Variants in TNFSF4 observed in about 807,000 individuals in gnomAD.
TNFSF4 encodes tumor necrosis factor ligand superfamily member 4.
A neutral mutation model predicts 7.3 loss-of-function variants in TNFSF4; 4 were observed. The observed-to-expected ratio is 0.55, with a 90% CI of 0.27 to 1.25. The LOEUF is 1.25. Ranked by LOEUF, TNFSF4 falls within the 50% of genes most tolerant of loss-of-function variation. The pLI is 0.12. For synonymous variants in TNFSF4, 76 were observed against 83.7 expected, an observed-to-expected ratio of 0.91 and a Z score of 0.50; for missense variants, 181 against 208.8, an observed-to-expected ratio of 0.87 and a Z score of 0.82.
the TNFSF4 span, among the ~76,000 whole-genome samples, chr1:173,421,932 A>G: frequency 6.6e-6 from 1 of 152,316 alleles, no homozygotes; most frequent in African/African-American, 2.4e-5. Flanking sequence ...TTTCCCAGCC[A>G]TATCTTCCAG....
the TNFSF4 span, among the ~76,000 whole-genome samples, chr1:173,260,347 A>G: frequency 6.6e-6 from 1 of 152,220 alleles, no homozygotes; most frequent in Non-Finnish European, 1.5e-5. Flanking sequence ...GGAAGCACCA[A>G]ATATGGAAAG....
At chr1:173,176,825 C>T in the TNFSF4 span, among the ~76,000 whole-genome samples, 1 of 152,154 alleles carries the variant, frequency 6.6e-6, no homozygotes, top group Admixed American at 6.5e-5. Flanking sequence ...TTTGCAGCAA[C>T]ACGGATGGAA....
the TNFSF4 span, among the ~76,000 whole-genome samples, chr1:173,240,936 C>T: frequency 4.7e-4 from 71 of 152,184 alleles, no homozygotes; most frequent in Non-Finnish European, 5.4e-4. Context: ...TTTAGCATCT[C>T]TTTAGTATTT....
At chr1:173,429,429 G>A in the TNFSF4 span, among the ~76,000 whole-genome samples, 1 of 152,216 alleles carries the variant, frequency 6.6e-6, no homozygotes, top group East Asian at 1.9e-4. Flanking sequence ...AGTAGAAAGA[G>A]TTCTAGTTTA....
At chr1:173,396,063 C>A in the TNFSF4 span, among the ~76,000 whole-genome samples, 1 of 152,198 alleles carries the variant, frequency 6.6e-6, no homozygotes, top group Non-Finnish European at 1.5e-5. Flanking sequence ...CCTCTCTTTG[C>A]TTCTATACCT....
At chr1:173,324,337 C>T in the TNFSF4 span, among the ~76,000 whole-genome samples, 1 of 152,184 alleles carries the variant, frequency 6.6e-6, no homozygotes, top group African/African-American at 2.4e-5. Flanking sequence ...ACCACCAGGC[C>T]TGCCCTAAGA....
At chr1:173,407,304 T>C in the TNFSF4 span, among the ~76,000 whole-genome samples, 1 of 151,922 alleles carries the variant, frequency 6.6e-6, no homozygotes, top group Non-Finnish European at 1.5e-5. Flanking sequence ...CCAGGCGCGG[T>C]GGCTCACACC....
Position 173,186,429 on chromosome 1 carries a change from T to C in TNFSF4, c.*87A>G, listed in dbSNP as rs918450499. 1 of 1,150,086 alleles carries C rather than the reference T, an allele frequency of 8.7e-7. No homozygotes were observed. 71.2% of individuals were successfully genotyped at this position (1,150,086 alleles called of 1,614,324 possible). ...CCACGTGGCTGAGCTGGGAGGCTCC[T>C]TCACTTGCAATGAAGAATCCATGCC... On this transcript the variant is annotated 3_prime_UTR_variant, in exon 3 of 3. Coordinates refer to ENST00000281834, the MANE Select transcript of TNFSF4 (RefSeq NM_003326.5).
At chr1:173,431,246 T>C in the TNFSF4 span, among the ~76,000 whole-genome samples, 2 of 152,212 alleles carry the variant, frequency 1.3e-5, no homozygotes, top group Non-Finnish European at 2.9e-5. Flanking sequence ...TTTGAGAAAA[T>C]TTGTCGGTTT....
the TNFSF4 span, among the ~76,000 whole-genome samples, chr1:173,357,663 C>T: frequency 6.6e-6 from 1 of 152,148 alleles, no homozygotes; most frequent in Admixed American, 6.5e-5. Context: ...TCCCGAGTAG[C>T]TGGGATTACA....
the TNFSF4 span, among the ~76,000 whole-genome samples, chr1:173,302,553 C>T: frequency 6.6e-6 from 1 of 151,880 alleles, no homozygotes; most frequent in African/African-American, 2.4e-5. Flanking sequence ...TAATGACTGA[C>T]CCACAGGTAG....
chr1:173,325,213 G>A, the TNFSF4 span, among the ~76,000 whole-genome samples: 5 of 152,034 alleles, frequency 3.3e-5, no homozygotes, highest in Non-Finnish European at 7.4e-5. Flanking sequence ...AAGAATCTCA[G>A]TCAAAACCGC....
At chr1:173,304,139 T>C in the TNFSF4 span, among the ~76,000 whole-genome samples, 1 of 151,930 alleles carries the variant, frequency 6.6e-6, no homozygotes. Flanking sequence ...AAAAAAACCA[T>C]TGACATAAAA....
At chr1:173,449,381 T>C in the TNFSF4 span, among the ~76,000 whole-genome samples, 2 of 151,532 alleles carry the variant, frequency 1.3e-5, no homozygotes, top group African/African-American at 4.9e-5. Context: ...TGACAGACAG[T>C]CTTGCTCTAT....
the TNFSF4 span, among the ~76,000 whole-genome samples, chr1:173,433,569 G>A: frequency 1.3e-5 from 2 of 151,982 alleles, no homozygotes; most frequent in South Asian, 4.2e-4. Flanking sequence ...GGCTATGGTG[G>A]CATGCACCTG....
the TNFSF4 span, among the ~76,000 whole-genome samples, chr1:173,219,295 C>T: frequency 6.6e-6 from 1 of 152,120 alleles, no homozygotes; most frequent in Non-Finnish European, 1.5e-5. Flanking sequence ...TTTTTATTGA[C>T]TTAAATATAA....
the TNFSF4 span, among the ~76,000 whole-genome samples, chr1:173,443,216 G>A: frequency 6.6e-6 from 1 of 152,142 alleles, no homozygotes; most frequent in Non-Finnish European, 1.5e-5. Flanking sequence ...ACTTTTAAAT[G>A]CCATCTAAGG....
At chr1:173,220,474 A>G in the TNFSF4 span, among the ~76,000 whole-genome samples, 1 of 152,354 alleles carries the variant, frequency 6.6e-6, no homozygotes, top group African/African-American at 2.4e-5. Flanking sequence ...AAAATAGACA[A>G]TAACTGTATG....
the TNFSF4 span, among the ~76,000 whole-genome samples, chr1:173,382,000 GA>G: frequency 0.011 from 1,696 of 152,270 alleles, 21 homozygotes; most frequent in African/African-American, 0.038. Flanking sequence ...TGAAATAAAG[GA>G]ATAAAAGCTG....
Sources: allele counts gnomAD v4.1 joint callset (sites outside exome capture counted in the v4.1 genomes callset), GRCh38; gene constraint gnomAD v4.1.1; transcripts MANE v1.5; gene names NCBI Gene and HGNC (gene_info 2026-07-23, HGNC 2026-07-21).